Variants in PSIP1 observed in about 807,000 individuals in gnomAD.
PSIP1 encodes the protein PC4 and SRSF1 interacting protein 1, also known as PC4 and SFRS1-interacting protein.
A neutral mutation model predicts 74.7 loss-of-function variants in PSIP1; 19 were observed. The ratio of observed to expected loss-of-function variants is 0.25; its 90% CI spans 0.18 to 0.37. The LOEUF is 0.37. Ranked by LOEUF, PSIP1 falls within the 10% of genes least tolerant of loss-of-function variation. The pLI, the probability that PSIP1 is intolerant of heterozygous loss-of-function variation, is 1.00. For synonymous variants in PSIP1, 222 were observed against 195.3 expected (o/e 1.14, Z -1.14); for missense variants, 601 against 614.3 (o/e 0.98, Z 0.23).
chr9:15,471,869 CAAA>C, intron 10 of PSIP1: 1 of 981,420 alleles, frequency 1.0e-6, no homozygotes, highest in Non-Finnish European at 1.2e-6. Flanking sequence ...AAAACAACAA[CAAA>C]AAAACAAAAT....
rs1348583095 is a variant in PSIP1, at chr9:15,465,009, A to C, written c.*511T>G. The C allele has an allele frequency of 4.5e-6, 1 of 220,028 alleles. No individual in the cohort carries two copies. The highest frequency in any genetic ancestry group is 9.1e-6 in the Non-Finnish European group (1 of 109,702). 13.6% of individuals were successfully genotyped at this position (220,028 alleles called of 1,614,324 possible). On this transcript the variant is annotated 3_prime_UTR_variant, in exon 16 of 16. Coordinates refer to ENST00000380733, the MANE Select transcript of PSIP1 (RefSeq NM_033222.5). ...AATGTAGACTGTGAGATTAAAATTA[A>C]CTTTTGATAAAAAGGGAGTGAGTAC...
chr9:15,506,857 G>C (rs1267685446), intron 2 of PSIP1, among the ~76,000 whole-genome samples: 1 of 152,050 alleles, frequency 6.6e-6, no homozygotes, highest in Non-Finnish European at 1.5e-5. Context: ...TGACATTGAG[G>C]GTATCAGTCA....
intron 3 of PSIP1, among the ~76,000 whole-genome samples, chr9:15,504,322 G>C (rs1466323573): frequency 2.0e-5 from 3 of 150,978 alleles, no homozygotes; most frequent in African/African-American, 7.4e-5. Context: ...ATTTAGTTTA[G>C]TTTGTTTTGG....
intron 8 of PSIP1, among the ~76,000 whole-genome samples, chr9:15,476,578 C>G (rs1001694930): frequency 1.2e-4 from 19 of 152,176 alleles, no homozygotes; most frequent in African/African-American, 4.6e-4. Flanking sequence ...AAGGGTATAG[C>G]TGCAATCCTT....
chr9:15,490,173 T>C, intron 3 of PSIP1, 49 bp from the exon 4 acceptor site: 1 of 1,473,894 alleles, frequency 6.8e-7, no homozygotes, highest in Non-Finnish European at 9.0e-7. Flanking sequence ...CTCAAATACA[T>C]AATTTATTAG....
chr9:15,484,534 G>A (rs1353546706), intron 6 of PSIP1, among the ~76,000 whole-genome samples: 2 of 151,948 alleles, frequency 1.3e-5, no homozygotes, highest in African/African-American at 2.4e-5. Context: ...AGACCAGCCT[G>A]GCCAACATGG....
In PSIP1 at chr9:15,465,288, A is replaced by G. The variant is rs1327177218; in HGVS notation, c.*232T>C. On this transcript the variant is annotated 3_prime_UTR_variant, in exon 16 of 16. Transcript: ENST00000380733. ...ACCATGTCTGGAAAAGCAGTTTAAC[A>G]TTTTCTAAATGGATTTTATCCCACA... 7 of 443,788 alleles carry G rather than the reference A, an allele frequency of 1.6e-5. No individual in the cohort carries two copies. The highest frequency in any genetic ancestry group is 3.7e-5 in the East Asian group (1 of 26,732). 27.5% of individuals were successfully genotyped at this position (443,788 alleles called of 1,614,324 possible).
chr9:15,497,134 C>T (rs963008199), intron 3 of PSIP1, among the ~76,000 whole-genome samples: 2 of 151,770 alleles, frequency 1.3e-5, no homozygotes, highest in African/African-American at 4.8e-5. Flanking sequence ...TCATAAAAGC[C>T]AAAAGTAAAA....
At chr9:15,499,837 G>A (rs2037248581) in intron 3 of PSIP1, among the ~76,000 whole-genome samples, 1 of 148,372 alleles carries the variant, frequency 6.7e-6, no homozygotes, top group Non-Finnish European at 1.5e-5. Context: ...TCACGCCACT[G>A]CACTCTAGCC....
chr9:15,468,096 G>A (rs1279450010), intron 14 of PSIP1, among the ~76,000 whole-genome samples: 2 of 148,118 alleles, frequency 1.4e-5, no homozygotes, highest in Non-Finnish European at 3.0e-5. Context: ...ACTCCAGCCT[G>A]GACAACAAGA....
intron 15 of PSIP1, 81 bp from the exon 16 acceptor site, chr9:15,465,661 A>G: frequency 8.3e-7 from 1 of 1,205,110 alleles, no homozygotes; most frequent in South Asian, 1.4e-5. Flanking sequence ...TCTGCATTAT[A>G]TTTTTAAACC....
At chr9:15,477,530 A>G (rs7863046) in intron 8 of PSIP1, among the ~76,000 whole-genome samples, 10,003 of 152,208 alleles carry the variant, frequency 0.066, 678 homozygotes, top group African/African-American at 0.17. Flanking sequence ...ATTCAAAACA[A>G]TGTAAATCTA....
At position 15,464,948 on chromosome 9, in the gene PSIP1, C is replaced by T. The variant is rs752838031; in HGVS notation, c.*572G>A. The T allele has an allele frequency of 9.3e-6, 2 of 215,766 alleles. No individual in the cohort carries two copies. The highest frequency in any genetic ancestry group is 1.9e-4 in the South Asian group (1 of 5,388). 13.4% of individuals were successfully genotyped at this position (215,766 alleles called of 1,614,324 possible). A position where few individuals can be genotyped will look rare whatever the true frequency, so the allele number is the denominator to read the frequency against. On this transcript the variant is annotated 3_prime_UTR_variant, in exon 16 of 16. Coordinates refer to ENST00000380733, the MANE Select transcript of PSIP1 (RefSeq NM_033222.5). The stretch of plus-strand genomic sequence containing the variant: ...TCATACCAAAAAAAACCATACAGAG[C>T]ACACATTGTTCCAAAGAAGCTGGAT...
At chr9:15,472,342 T>C (rs1388056997) in intron 10 of PSIP1, 3 of 1,174,418 alleles carry the variant, frequency 2.6e-6, no homozygotes, top group Non-Finnish European at 3.1e-6. Context: ...AAACAAATGG[T>C]TGAGGATGAG....
rs12003252 is a variant in PSIP1 at position 15,480,146 on chromosome 9, T to G, written c.457-459A>C. On this transcript the variant is annotated intron_variant, in intron 6 of 15. Transcript: ENST00000380733. ...GAATCCACTGACCATTTGCAAACTCTAATGCCCTTTGATAACTGCTAGTAT... is the reference window on the plus strand; with the variant it reads ...GAATCCACTGACCATTTGCAAACTCGAATGCCCTTTGATAACTGCTAGTAT... Among the ~76,000 whole-genome samples the G allele has an allele frequency of 9.4e-3, 1,425 of 152,350 alleles. 16 individuals carry two copies. The highest frequency in any genetic ancestry group is 0.033 in the African/African-American group (1,360 of 41,572).
At chr9:15,471,339 CAGG>C (rs747548045) in intron 10 of PSIP1, 39 of 1,566,162 alleles carry the variant, frequency 2.5e-5, no homozygotes, top group African/African-American at 9.5e-5. Flanking sequence ...TTTGTAATAA[CAGG>C]AGAAGGAAAG....
intron 8 of PSIP1, among the ~76,000 whole-genome samples, chr9:15,477,291 G>A (rs2036131337): frequency 6.6e-6 from 1 of 152,090 alleles, no homozygotes; most frequent in Admixed American, 6.6e-5. Flanking sequence ...ACTGTGGAAT[G>A]GCTAAATCAA....
intron 4 of PSIP1, among the ~76,000 whole-genome samples, chr9:15,488,484 C>T (rs1293077432): frequency 6.6e-6 from 1 of 152,206 alleles, no homozygotes; most frequent in East Asian, 1.9e-4. Flanking sequence ...TCCCAATTAT[C>T]TTCATAAAGA....
At chr9:15,473,969 T>G in intron 9 of PSIP1, 40 bp downstream of exon 9, 1 of 1,331,266 alleles carries the variant, frequency 7.5e-7, no homozygotes, top group South Asian at 1.4e-5. Context: ...ATATATAAAC[T>G]AAGAATAGAA....
Sources: allele counts gnomAD v4.1 joint callset (sites outside exome capture counted in the v4.1 genomes callset), GRCh38; gene constraint gnomAD v4.1.1; transcripts MANE v1.5; gene names NCBI Gene and HGNC (gene_info 2026-07-23, HGNC 2026-07-21).